RNF2: variants seen among roughly 807,000 people sequenced by gnomAD.
RNF2 encodes the protein ring finger protein 2.
A neutral mutation model predicts 37.2 loss-of-function variants in RNF2; 6 were observed. That is an observed-to-expected ratio of 0.16 (90% CI 0.09 to 0.32). The LOEUF (loss-of-function observed/expected upper bound fraction) is 0.32. RNF2 is among the 10% of genes least tolerant of loss of function. The pLI, the probability that RNF2 is intolerant of heterozygous loss-of-function variation, is 1.00. For missense variants in RNF2, 251 were observed against 404.0 expected (o/e 0.62, Z 3.25); for synonymous variants, 133 against 132.7 (o/e 1.00, Z -0.02).
intron 2 of RNF2, 55 bp from the exon 3 acceptor site, chr1:185,091,524 C>G (rs748422837): frequency 2.6e-6 from 4 of 1,544,642 alleles, no homozygotes; most frequent in Non-Finnish European, 3.6e-6. Flanking sequence ...TATGTTTGAG[C>G]TTGTCCATAA....
At position 185,101,966 on chromosome 1, in the gene RNF2, C is replaced by T. The variant is rs936973072; in HGVS notation, c.*1665C>T. 4.7e-4 allele frequency: 71 copies of T among 151,742 alleles called. No homozygotes were observed. Among genetic ancestry groups the T allele is most frequent in the Non-Finnish European group, 7.4e-5 (5 of 67,888 alleles). The allele number at this position is 151,742 out of a possible 1,614,324, so 9.4% of individuals were successfully genotyped here. A position where few individuals can be genotyped will look rare whatever the true frequency, so the allele number is the denominator to read the frequency against. On this transcript the variant is annotated 3_prime_UTR_variant, in exon 7 of 7. Coordinates refer to ENST00000367510, the MANE Select transcript of RNF2 (RefSeq NM_007212.4). The stretch of plus-strand genomic sequence containing the variant: ...TGTATAGATTATTAATGCATGCCCA[C>T]TGAATATAACCCTGGTTTTGTGATA...
chr1:185,047,865 T>C (rs1650162910), intron 1 of RNF2, among the ~76,000 whole-genome samples: 2 of 152,234 alleles, frequency 1.3e-5, no homozygotes, highest in East Asian at 1.9e-4. Flanking sequence ...GTAGAAGACA[T>C]TGTCATCAGA....
chr1:185,076,268 G>GTTTTTTTTTTTTTGT (rs1651152904), intron 1 of RNF2, among the ~76,000 whole-genome samples: 1 of 27,348 alleles, frequency 3.7e-5, no homozygotes, highest in African/African-American at 1.3e-4. Flanking sequence ...TTTATGGGTT[G>GTTTTTTTTTTTTTGT]TTTTTTTTTT....
rs145762179 is a variant in RNF2 at position 185,071,213 on chromosome 1, T to A, written c.-2-16339T>A. 1.6e-3 allele frequency among the ~76,000 whole-genome samples: 247 copies of A among 152,240 alleles called. 1 individual carries two copies. The highest frequency in any genetic ancestry group is 3.2e-3 in the Non-Finnish European group (215 of 68,000). On this transcript the variant is annotated intron_variant, in intron 1 of 6. Coordinates refer to ENST00000367510, the MANE Select transcript of RNF2 (RefSeq NM_007212.4). ...AGTCAGTTACGCATTCATCTCAGGGTAGGCCAAGGGATGATTTCTGGTTTT... is the reference window on the plus strand; with the variant it reads ...AGTCAGTTACGCATTCATCTCAGGGAAGGCCAAGGGATGATTTCTGGTTTT...
intron 1 of RNF2, among the ~76,000 whole-genome samples, chr1:185,073,637 T>C (rs1366580282): frequency 6.6e-6 from 1 of 152,224 alleles, no homozygotes; most frequent in African/African-American, 2.4e-5. Context: ...ATGCATATTA[T>C]ACTGTGGTTC....
chr1:185,074,964 G>A (rs1651101434), intron 1 of RNF2, among the ~76,000 whole-genome samples: 1 of 152,010 alleles, frequency 6.6e-6, no homozygotes, highest in Non-Finnish European at 1.5e-5. Flanking sequence ...GATACTGAGG[G>A]ACGACTATAT....
intron 3 of RNF2, 136 bp from the exon 4 acceptor site, chr1:185,092,925 A>T (rs1651811055): frequency 1.3e-6 from 1 of 792,892 alleles, no homozygotes; most frequent in Non-Finnish European, 2.0e-6. Context: ...GAAATTCAGG[A>T]TAATTGGTTT....
Position 185,092,982 on chromosome 1 carries a change from A to T in RNF2, c.249-79A>T, listed in dbSNP as rs928769062. 10 of 1,187,686 alleles carry T rather than the reference A, an allele frequency of 8.4e-6. No homozygotes were observed. The African/African-American group carries it at 1.4e-4, about 16-fold the overall frequency. The allele number at this position is 1,187,686 out of a possible 1,614,324, so 73.6% of individuals were successfully genotyped here. ...GGTATTGGAATAAAGGTGAATAACT[A>T]TCCAGAAGCTGGGTATTTTTGTCTT... On this transcript the variant is annotated intron_variant, in intron 3 of 6. Transcript: ENST00000367510.
rs548079262 is a variant in RNF2 at position 185,079,423 on chromosome 1, G to A, written c.-2-8129G>A. Among the ~76,000 whole-genome samples, 13 of 152,246 alleles carry A rather than the reference G, an allele frequency of 8.5e-5. No homozygotes were observed. In the South Asian group the frequency reaches 2.5e-3, roughly 29 times the overall value. On this transcript the variant is annotated intron_variant, in intron 1 of 6. Transcript: ENST00000367510. ...TAGGTCAGTTTTCTAGAAAATAGGA[G>A]ATTATAGTCAGCCTGAGTCTTCGTA...
intron 1 of RNF2, among the ~76,000 whole-genome samples, chr1:185,054,828 G>C (rs1168155336): frequency 1.3e-5 from 2 of 152,130 alleles, no homozygotes; most frequent in Non-Finnish European, 2.9e-5. Context: ...TTCCTGAGTA[G>C]CTGGGACCAC....
intron 1 of RNF2, among the ~76,000 whole-genome samples, chr1:185,076,302 T>G (rs1177391800): frequency 1.1e-5 from 1 of 92,152 alleles, no homozygotes; most frequent in African/African-American, 4.4e-5. Context: ...TTTTTTTTTT[T>G]TTTTTTGAGA....
chr1:185,088,552 G>A (rs1377415791), intron 2 of RNF2, among the ~76,000 whole-genome samples: 15 of 130,738 alleles, frequency 1.1e-4, no homozygotes, highest in African/African-American at 2.5e-4. Context: ...ACGAAACTCC[G>A]TCTCAAAAAA....
chr1:185,082,345 C>CTTTCTTTTTTTTTTTTTTTTTTCTTT (rs1651443407), intron 1 of RNF2, among the ~76,000 whole-genome samples: 1 of 72,000 alleles, frequency 1.4e-5, no homozygotes, highest in Non-Finnish European at 2.9e-5. Context: ...CTCTGCAGAA[C>CTTTCTTTTTTTTTTTTTTTTTTCTTT]TTTTTTTTTT....
chr1:185,078,177 G>A (rs571167050), intron 1 of RNF2, among the ~76,000 whole-genome samples: 5 of 152,294 alleles, frequency 3.3e-5, no homozygotes, highest in Non-Finnish European at 7.4e-5. Context: ...AACCTGGGAG[G>A]CAGAGGTTGC....
At chr1:185,097,295 TC>T (rs1259851884) in intron 4 of RNF2, among the ~76,000 whole-genome samples, 1 of 152,212 alleles carries the variant, frequency 6.6e-6, no homozygotes, top group African/African-American at 2.4e-5. Context: ...CATCGCATTT[TC>T]CTCAGTCATT....
At chr1:185,078,013 A>T (rs1651229086) in intron 1 of RNF2, among the ~76,000 whole-genome samples, 1 of 152,250 alleles carries the variant, frequency 6.6e-6, no homozygotes, top group Non-Finnish European at 1.5e-5. Flanking sequence ...TGGGAGGCCA[A>T]GGCCAGCGGA....
At chr1:185,070,801 C>G (rs892796987) in intron 1 of RNF2, among the ~76,000 whole-genome samples, 1 of 151,896 alleles carries the variant, frequency 6.6e-6, no homozygotes, top group African/African-American at 2.4e-5. Context: ...ACCTCGCCGG[C>G]TCATTTTTTT....
intron 1 of RNF2, among the ~76,000 whole-genome samples, chr1:185,080,890 A>C (rs571608352): frequency 2.6e-5 from 4 of 152,224 alleles, no homozygotes; most frequent in Admixed American, 2.0e-4. Context: ...AGCGTTCAGT[A>C]GGCAGAAGGA....
At chr1:185,078,251 C>T (rs1225332303) in intron 1 of RNF2, among the ~76,000 whole-genome samples, 1 of 152,166 alleles carries the variant, frequency 6.6e-6, no homozygotes, top group Non-Finnish European at 1.5e-5. Context: ...CATCATAAAT[C>T]AGTCAATCAT....
Sources: gnomAD v4.1 joint callset for allele counts (sites outside exome capture counted in the v4.1 genomes callset) on GRCh38, gnomAD v4.1.1 for gene constraint, MANE v1.5 for transcripts, NCBI Gene and HGNC (gene_info 2026-07-23, HGNC 2026-07-21) for gene names.